The following MINDY2 variants were observed in gnomAD, a reference collection of about 807,000 sequenced individuals.
MINDY2 encodes ubiquitin carboxyl-terminal hydrolase MINDY-2.
A neutral mutation model predicts 68.2 loss-of-function variants in MINDY2; 52 were observed. That is an observed-to-expected ratio of 0.76 (90% CI 0.61 to 0.96). The LOEUF is 0.96. Among genes scored for constraint, MINDY2 ranks in the 40% least tolerant of loss-of-function variants. The pLI, the probability that MINDY2 is intolerant of heterozygous loss-of-function variation, is 0.00. For synonymous variants in MINDY2, 372 were observed against 303.0 expected (o/e 1.23, Z -2.36); for missense variants, 881 against 773.4 (o/e 1.14, Z -1.65).
At chr15:58,799,058 T>A (rs913960600) in intron 2 of MINDY2, among the ~76,000 whole-genome samples, 4 of 152,172 alleles carry the variant, frequency 2.6e-5, no homozygotes, top group Admixed American at 6.6e-5. Context: ...AGGACTTAGC[T>A]ACTAGGGACA....
chr15:58,826,657 A>G (rs981468327), intron 5 of MINDY2, among the ~76,000 whole-genome samples: 50 of 152,322 alleles, frequency 3.3e-4, no homozygotes, highest in African/African-American at 1.1e-3. Context: ...TATAATCACA[A>G]TGCAATTATT....
chr15:58,781,447 A>C (rs1361269216), intron 1 of MINDY2, among the ~76,000 whole-genome samples: 1 of 152,186 alleles, frequency 6.6e-6, no homozygotes, highest in Non-Finnish European at 1.5e-5. Context: ...CATTCTTGCA[A>C]ATTTAATATG....
At chr15:58,818,193 T>C (rs2030827019) in intron 4 of MINDY2, among the ~76,000 whole-genome samples, 1 of 152,230 alleles carries the variant, frequency 6.6e-6, no homozygotes, top group Non-Finnish European at 1.5e-5. Context: ...GTTGTGTCTG[T>C]AGATTCTCTA....
In MINDY2 at chr15:58,837,968, CAAAAA is replaced by C. The variant is rs34909401; in HGVS notation, c.1368+6070_1368+6074del. 5.2e-3 allele frequency among the ~76,000 whole-genome samples: 391 copies of C among 75,124 alleles called. 2 individuals are homozygous for C. Among genetic ancestry groups the C allele is most frequent in the African/African-American group, 0.017 (369 of 21,828 alleles). The allele number at this position is 75,124 out of a possible 152,430, so 49.3% of individuals were successfully genotyped here. The stretch of plus-strand genomic sequence containing the variant: ...TGGATGACAGAGTAAGACCTTCTTT[CAAAAA>C]AAAAAAAAAAAAAAAAAGGAAAAAT... On this transcript the variant is annotated intron_variant, in intron 6 of 8. Transcript: ENST00000559228.
chr15:58,776,500 G>A (rs765183959), intron 1 of MINDY2, among the ~76,000 whole-genome samples: 2 of 152,190 alleles, frequency 1.3e-5, no homozygotes, highest in Non-Finnish European at 2.9e-5. Flanking sequence ...CAGGGAAAGA[G>A]AATGTAATAA....
intron 4 of MINDY2, among the ~76,000 whole-genome samples, chr15:58,819,587 A>G (rs1474767036): frequency 3.9e-5 from 6 of 152,046 alleles, no homozygotes; most frequent in African/African-American, 1.4e-4. Context: ...GCCTCAAGAT[A>G]CCCTCCTGCC....
At chr15:58,806,046 C>G (rs1595731897) in intron 3 of MINDY2, among the ~76,000 whole-genome samples, 1 of 152,238 alleles carries the variant, frequency 6.6e-6, no homozygotes, top group East Asian at 1.9e-4. Context: ...TGCACTCCAG[C>G]CCGGGCGACA....
chr15:58,816,252 A>C (rs1181221446), intron 4 of MINDY2, among the ~76,000 whole-genome samples: 1 of 152,310 alleles, frequency 6.6e-6, no homozygotes, highest in Non-Finnish European at 1.5e-5. Context: ...AAGCAAGGCA[A>C]CTCTGAGAAT....
At chr15:58,809,174 T>C (rs2030041705) in intron 3 of MINDY2, among the ~76,000 whole-genome samples, 2 of 152,164 alleles carry the variant, frequency 1.3e-5, no homozygotes, top group South Asian at 4.1e-4. Flanking sequence ...ATCATACCAC[T>C]GCACTCTAGC....
chr15:58,793,276 C>A (rs1425910358), intron 2 of MINDY2, among the ~76,000 whole-genome samples: 1 of 151,936 alleles, frequency 6.6e-6, no homozygotes, highest in Non-Finnish European at 1.5e-5. Flanking sequence ...CATGGCAAAA[C>A]CCCGTCTCTA....
intron 6 of MINDY2, among the ~76,000 whole-genome samples, chr15:58,843,451 T>C (rs1443119993): frequency 1.3e-5 from 2 of 152,076 alleles, no homozygotes; most frequent in African/African-American, 4.8e-5. Context: ...ACACCCGACC[T>C]AGAGATGTTA....
intron 6 of MINDY2, among the ~76,000 whole-genome samples, chr15:58,845,298 C>G (rs1321101226): frequency 6.6e-6 from 1 of 152,044 alleles, no homozygotes; most frequent in African/African-American, 2.4e-5. Context: ...CCCAGCTACT[C>G]AGGAGCCTGA....
At chr15:58,790,472 G>T (rs184573598) in intron 2 of MINDY2, among the ~76,000 whole-genome samples, 120 of 152,210 alleles carry the variant, frequency 7.9e-4, no homozygotes, top group African/African-American at 2.8e-3. Flanking sequence ...AGCAATTTTG[G>T]TTTTTGCCAT....
chr15:58,819,157 T>A (rs1181077010), intron 4 of MINDY2, among the ~76,000 whole-genome samples: 4 of 152,040 alleles, frequency 2.6e-5, no homozygotes, highest in East Asian at 1.9e-4. Context: ...AAAAGAAAAA[T>A]TTTTTTAGAG....
In MINDY2 at chr15:58,789,493, A is replaced by G. The variant is rs1371278133; in HGVS notation, c.898+1530A>G. ...TTCTTTTGAGACAGAGTCTTACTCT[A>G]TTGCCCAGGCTGGAGTGCAGTGGCG... On this transcript the variant is annotated intron_variant, in intron 2 of 8. Coordinates refer to ENST00000559228, the MANE Select transcript of MINDY2 (RefSeq NM_001040450.3). Among the ~76,000 whole-genome samples the G allele has an allele frequency of 6.6e-5, 10 of 150,850 alleles. No individual in the cohort carries two copies. The East Asian group carries it at 1.2e-3, about 18-fold the overall frequency.
Position 58,772,114 on chromosome 15 carries a change from A to C in MINDY2, c.719A>C (p.Gln240Pro), listed in dbSNP as rs1900469092. 1.2e-6 allele frequency: 2 copies of C among 1,614,020 alleles called. No individual in the cohort carries two copies. Among genetic ancestry groups the C allele is most frequent in the Non-Finnish European group, 1.7e-6 (2 of 1,179,950 alleles). The change falls in exon 1 of 9, where the codon CAA becomes CCA. Residue 240 changes from glutamine (Q) to proline (P), a missense_variant. Gln to Pro is a moderately conservative substitution (Grantham distance 76, BLOSUM62 -1). Transcript: ENST00000559228. Reference protein sequence around the residue: ...LAASKERFPGQSVYHIKWIQW... With the variant: ...LAASKERFPGPSVYHIKWIQW... ...GCCTCCAAGGAACGCTTCCCGGGAC[A>C]ATCTGTGTATCACATCAAGTGGATC... is the stretch of plus-strand genomic sequence containing the variant.
intron 3 of MINDY2, among the ~76,000 whole-genome samples, chr15:58,806,188 C>T (rs1902998151): frequency 6.6e-6 from 1 of 152,122 alleles, no homozygotes; most frequent in African/African-American, 2.4e-5. Context: ...ATTCTCATGC[C>T]TCAGCCTCCC....
At chr15:58,850,398 G>A (rs1418485924) in intron 7 of MINDY2, among the ~76,000 whole-genome samples, 1 of 152,038 alleles carries the variant, frequency 6.6e-6, no homozygotes, top group Admixed American at 6.6e-5. Context: ...AGTTTCACAG[G>A]GTTGGTTTGA....
intron 6 of MINDY2, among the ~76,000 whole-genome samples, chr15:58,833,212 G>A (rs1026140367): frequency 6.6e-6 from 1 of 152,138 alleles, no homozygotes; most frequent in Non-Finnish European, 1.5e-5. Flanking sequence ...TTCATGCGTG[G>A]GGATAAAAAT....
Sources: gnomAD v4.1 joint callset for allele counts (sites outside exome capture counted in the v4.1 genomes callset) on GRCh38, gnomAD v4.1.1 for gene constraint, MANE v1.5 for transcripts, NCBI Gene and HGNC (gene_info 2026-07-23, HGNC 2026-07-21) for gene names.